PRPF3: variants seen among roughly 807,000 people sequenced by gnomAD.
The protein encoded by PRPF3 is pre-mRNA processing factor 3, also known as U4/U6 small nuclear ribonucleoprotein Prp3.
In PRPF3, 3 loss-of-function variants were observed where a neutral mutation model predicts 89.2. The observed-to-expected ratio is 0.03, with a 90% CI of 0.02 to 0.09. PRPF3 has a LOEUF of 0.09. Among genes scored for constraint, PRPF3 ranks in the 10% least tolerant of loss-of-function variants. The pLI is 1.00. For missense variants in PRPF3, 463 were observed against 828.8 expected, an observed-to-expected ratio of 0.56 and a Z score of 5.42; for synonymous variants, 270 against 289.1, an observed-to-expected ratio of 0.93 and a Z score of 0.67.
At chr1:150,333,376 G>A (rs1307473413) in intron 6 of PRPF3, among the ~76,000 whole-genome samples, 177 bp downstream of exon 6, 1 of 152,106 alleles carries the variant, frequency 6.6e-6, no homozygotes, top group Non-Finnish European at 1.5e-5. Context: ...AGACCAGCCT[G>A]GCCAATATGG....
intron 2 of PRPF3, among the ~76,000 whole-genome samples, chr1:150,325,383 A>G (rs115913030): frequency 0.014 from 2,131 of 152,296 alleles, 53 homozygotes; most frequent in African/African-American, 0.049. Context: ...TCAGATTCAG[A>G]CTGAACATCT....
intron 4 of PRPF3, among the ~76,000 whole-genome samples, chr1:150,328,770 C>T (rs1488357187): frequency 6.6e-6 from 1 of 151,670 alleles, no homozygotes; most frequent in African/African-American, 2.4e-5. Context: ...CCAGGCTGGT[C>T]TTGAACTCCT....
chr1:150,346,604 T>TTA, intron 14 of PRPF3, 113 bp downstream of exon 14: 3 of 1,129,386 alleles, frequency 2.7e-6, no homozygotes, highest in South Asian at 1.3e-5. Context: ...CTAGATAGTG[T>TTA]TCAGGAATTT....
chr1:150,352,747 C>A (rs1659073398), intron 15 of PRPF3, 86 bp from the exon 16 acceptor site: 3 of 1,452,898 alleles, frequency 2.1e-6, no homozygotes, highest in Non-Finnish European at 2.9e-6. Context: ...ACATGTCTCA[C>A]AAATGTTACT....
chr1:150,342,789 G>A (rs1657899943), intron 9 of PRPF3, among the ~76,000 whole-genome samples: 1 of 151,962 alleles, frequency 6.6e-6, no homozygotes, highest in Non-Finnish European at 1.5e-5. Flanking sequence ...CCAAAGTGCT[G>A]GGATTACAGG....
At chr1:150,337,544 G>A (rs114781494) in intron 7 of PRPF3, among the ~76,000 whole-genome samples, 2,107 of 151,958 alleles carry the variant, frequency 0.014, 52 homozygotes, top group African/African-American at 0.048. Flanking sequence ...ATTCTTGGCC[G>A]AGGTGGGCGA....
chr1:150,327,505 G>T (rs1655860589), intron 3 of PRPF3: 1 of 934,852 alleles, frequency 1.1e-6, no homozygotes, highest in South Asian at 5.0e-5. Flanking sequence ...GTCCATTCAG[G>T]TCCCCACCCC....
chr1:150,322,528 T>C lies in PRPF3; in HGVS notation c.-49+936T>C, dbSNP rs587753146. 2.6e-5 allele frequency among the ~76,000 whole-genome samples: 4 copies of C among 152,330 alleles called. 1 individual carries two copies. In the South Asian group the frequency reaches 8.3e-4, roughly 32 times the overall value. ...CAATACATGTGTAATATGTAGAAAT[T>C]GGTACGCTGTATGTCTACTCATTGT... On this transcript the variant is annotated intron_variant, in intron 1 of 15. Transcript: ENST00000324862.
At chr1:150,337,051 T>TTTG (rs1171161147) in intron 7 of PRPF3, among the ~76,000 whole-genome samples, 7 of 148,184 alleles carry the variant, frequency 4.7e-5, no homozygotes, top group Non-Finnish European at 9.0e-5. Context: ...TTTTTTTTTT[T>TTTG]TTTTTGAGAC....
intron 9 of PRPF3, 145 bp downstream of exon 9, chr1:150,340,622 C>T (rs1657590688): frequency 1.4e-6 from 1 of 717,074 alleles, no homozygotes. Flanking sequence ...CAGTTTTTTT[C>T]CTGACAATAG....
chr1:150,351,271 A>G (rs1273750737), intron 15 of PRPF3, among the ~76,000 whole-genome samples: 2 of 152,152 alleles, frequency 1.3e-5, no homozygotes, highest in Non-Finnish European at 2.9e-5. Context: ...TCTCAAAACA[A>G]AAGTCTCTTC....
At chr1:150,330,363 TTGGGGGG>T (rs1202552101) in intron 4 of PRPF3, 2 of 152,224 alleles carry the variant, frequency 1.3e-5, no homozygotes, top group African/African-American at 4.9e-5. Flanking sequence ...ATTTTCTTTT[TTGGGGGG>T]TGGGGGATGG....
chr1:150,328,285 G>T (rs1553864362), intron 3 of PRPF3, 35 bp from the exon 4 acceptor site: 1 of 1,612,244 alleles, frequency 6.2e-7, no homozygotes, highest in Non-Finnish European at 8.5e-7. Context: ...CCACGGGGAG[G>T]GATACAGCTT....
At chr1:150,340,498 T>C in intron 9 of PRPF3, 21 bp downstream of exon 9, 1 of 1,550,024 alleles carries the variant, frequency 6.5e-7, no homozygotes, top group Non-Finnish European at 8.9e-7. Flanking sequence ...GATTCCTGAA[T>C]CAAGTCTCTA....
intron 15 of PRPF3, among the ~76,000 whole-genome samples, chr1:150,351,942 T>A (rs1200769254): frequency 4.6e-5 from 7 of 152,116 alleles, no homozygotes; most frequent in Non-Finnish European, 8.8e-5. Flanking sequence ...TCAGGAATTG[T>A]CTCTCATGTT....
intron 7 of PRPF3, among the ~76,000 whole-genome samples, chr1:150,336,771 A>G (rs587635654): frequency 2.0e-5 from 3 of 151,182 alleles, no homozygotes; most frequent in Non-Finnish European, 4.4e-5. Flanking sequence ...ATATATATAT[A>G]TATTTATTAA....
chr1:150,339,749 T>TG (rs1451689931), intron 8 of PRPF3, among the ~76,000 whole-genome samples: 1 of 94,250 alleles, frequency 1.1e-5, no homozygotes, highest in African/African-American at 3.2e-5. Context: ...TTTTTTTTTT[T>TG]TTTTTTTTTT....
intron 4 of PRPF3, among the ~76,000 whole-genome samples, chr1:150,328,777 T>C (rs1655999890): frequency 6.6e-6 from 1 of 151,804 alleles, no homozygotes; most frequent in African/African-American, 2.4e-5. Context: ...GGTCTTGAAC[T>C]CCTGATGTCA....
At chr1:150,345,337 T>C (rs1249403878) in intron 12 of PRPF3, among the ~76,000 whole-genome samples, 3 of 151,608 alleles carry the variant, frequency 2.0e-5, no homozygotes, top group Non-Finnish European at 4.4e-5. Flanking sequence ...TGATCCTATA[T>C]ATATATTTTA....
Sources: gnomAD v4.1 joint callset for allele counts (sites outside exome capture counted in the v4.1 genomes callset) on GRCh38, gnomAD v4.1.1 for gene constraint, MANE v1.5 for transcripts, NCBI Gene and HGNC (gene_info 2026-07-23, HGNC 2026-07-21) for gene names.